The following NRBP2 variants were observed in gnomAD, a reference collection of about 807,000 sequenced individuals.
NRBP2 encodes the protein nuclear receptor binding protein 2.
In NRBP2, 47 loss-of-function variants were observed where a neutral mutation model predicts 74.4. That is an observed-to-expected ratio of 0.63 (90% CI 0.50 to 0.81). NRBP2 has a LOEUF of 0.81. Ranked by LOEUF, NRBP2 falls within the 30% of genes least tolerant of loss-of-function variation. The pLI is 0.00. For synonymous variants in NRBP2, 312 were observed against 273.8 expected (o/e 1.14, Z -1.38); for missense variants, 613 against 690.1 (o/e 0.89, Z 1.25).
rs553471455 is a variant in NRBP2, at chr8:143,838,618, A to C, written c.840+62T>G. 3.3e-5 allele frequency: 41 copies of C among 1,243,658 alleles called. No individual in the cohort carries two copies. The African/African-American group carries it at 4.2e-4, about 13-fold the overall frequency. The allele number at this position is 1,243,658 out of a possible 1,614,324, so 77.0% of individuals were successfully genotyped here. A position where few individuals can be genotyped will look rare whatever the true frequency, so the allele number is the denominator to read the frequency against. On this transcript the variant is annotated intron_variant, in intron 10 of 17. Coordinates refer to ENST00000442628, the MANE Select transcript of NRBP2 (RefSeq NM_178564.4). ...ATGTTCTCCCAGGTCTGCCTGGAGCACCTTGCTAGCCCTAGCTGAGCACGG... is the reference window on the plus strand; with the variant it reads ...ATGTTCTCCCAGGTCTGCCTGGAGCCCCTTGCTAGCCCTAGCTGAGCACGG...
chr8:143,831,348 G>A (rs1818160405), downstream of NRBP2, among the ~76,000 whole-genome samples: 1 of 152,226 alleles, frequency 6.6e-6, no homozygotes, highest in Admixed American at 6.5e-5. Context: ...AGGCACAGTG[G>A]CTCATGCCTG....
rs544826581 is a variant in NRBP2, at chr8:143,840,609, G to C, written c.129+97C>G. The C allele has an allele frequency of 2.2e-4, 262 of 1,199,376 alleles. 1 individual carries two copies. The highest frequency in any genetic ancestry group is 2.6e-4 in the South Asian group (15 of 56,826). The allele number at this position is 1,199,376 out of a possible 1,614,324, so 74.3% of individuals were successfully genotyped here. A position where few individuals can be genotyped will look rare whatever the true frequency, so the allele number is the denominator to read the frequency against. ...AGGGGCCGCGGAGAGGTTTCCAGCC[G>C]CCGCGCTCTCCCAGCGCCCCCACGC... On this transcript the variant is annotated intron_variant, in intron 1 of 17. Coordinates refer to ENST00000442628, the MANE Select transcript of NRBP2 (RefSeq NM_178564.4). This position sits in a 1 kb window ranked among gnomAD's most constrained non-coding sequence, Gnocchi z 5.7.
rs782495984 is a variant in NRBP2, at chr8:143,837,635, T to C, written c.961A>G (p.Ile321Val). The change falls in exon 11 of 18, where the codon ATC (isoleucine) becomes GTC (valine). Residue 321 changes from isoleucine to valine, a missense_variant. Transcript: ENST00000442628. The surrounding 1 kb of genome is among the most constrained non-coding windows in gnomAD (Gnocchi z 4.3). ...SLKLLAAHCF[I>V]QHQYLMPENV... is the part of the protein sequence containing the mutation. ...GCCTGCTGCTCACACTGGTGCTGGA[T>C]GAAGCAGTGGGCTGCCAGGAGCTTC... 1 of 1,600,284 alleles carries C rather than the reference T, an allele frequency of 6.2e-7. No individual in the cohort carries two copies. Among genetic ancestry groups the C allele is most frequent in the East Asian group, 2.2e-5 (1 of 44,458 alleles).
downstream of NRBP2, among the ~76,000 whole-genome samples, chr8:143,831,951 G>T (rs1818178966): frequency 6.6e-6 from 1 of 152,242 alleles, no homozygotes; most frequent in Non-Finnish European, 1.5e-5. Context: ...TTTGTAGCTA[G>T]TCGCACTGTT....
In NRBP2 at chr8:143,840,935, G is replaced by C; in HGVS notation, c.-101C>G. 8.6e-7 allele frequency: 1 copy of C among 1,166,504 alleles called. No homozygotes were observed. The highest frequency in any genetic ancestry group is 1.1e-6 in the Non-Finnish European group (1 of 947,902). 72.3% of individuals were successfully genotyped at this position (1,166,504 alleles called of 1,614,324 possible). The stretch of plus-strand genomic sequence containing the variant: ...GCGCCCAGCAGCCCAGCCTAGAGCC[G>C]CCGCGGCAGCCTAGAGCCCCAGCCC... On this transcript the variant is annotated 5_prime_UTR_variant, in exon 1 of 18. Coordinates refer to ENST00000442628, the MANE Select transcript of NRBP2 (RefSeq NM_178564.4). The surrounding 1 kb of genome is among the most constrained non-coding windows in gnomAD (Gnocchi z 5.7).
intron 8 of NRBP2, 39 bp from the exon 9 acceptor site, chr8:143,838,977 G>C: frequency 6.4e-7 from 1 of 1,568,972 alleles, no homozygotes; most frequent in Middle Eastern, 1.7e-4. Flanking sequence ...GGAGAGAAGC[G>C]CAGGGTAGGC....
At position 143,839,173 on chromosome 8, in the gene NRBP2, A is replaced by G; in HGVS notation, c.603T>C (p.Asn201=). 6.6e-7 allele frequency: 1 copy of G among 1,526,558 alleles called. No individual in the cohort carries two copies. Among genetic ancestry groups the G allele is most frequent in the Non-Finnish European group, 8.8e-7 (1 of 1,140,746 alleles). The allele number at this position is 1,526,558 out of a possible 1,614,324, so 94.6% of individuals were successfully genotyped here. Residue 201 remains asparagine (N), a splice_region_variant and synonymous_variant, in exon 7 of 18, where the codon AAT becomes AAC. Coordinates refer to ENST00000442628, the MANE Select transcript of NRBP2 (RefSeq NM_178564.4). The surrounding 1 kb of genome is among the most constrained non-coding windows in gnomAD (Gnocchi z 5.1). The part of the protein sequence containing the change: ...IGSVWHRIFS[N]ALPDDLRSPI... Reference sequence around the variant, plus strand: ...CGTCCCCCCAAAGTCCGCACTTACCATTGGAGAAGATTCGGTGCCACACTG... The same window carrying G: ...CGTCCCCCCAAAGTCCGCACTTACCGTTGGAGAAGATTCGGTGCCACACTG...
downstream of NRBP2, among the ~76,000 whole-genome samples, chr8:143,830,802 TA>T (rs1818131207): frequency 6.6e-6 from 1 of 152,108 alleles, no homozygotes; most frequent in Non-Finnish European, 1.5e-5. Flanking sequence ...AAATGAAAAC[TA>T]AAATGCCATT....
Position 143,834,343 on chromosome 8 carries a change from A to C in NRBP2, c.*1319T>G, listed in dbSNP as rs180983709. 5 of 152,302 alleles carry C rather than the reference A, an allele frequency of 3.3e-5. No homozygotes were observed. The highest frequency in any genetic ancestry group is 1.2e-4 in the African/African-American group (5 of 41,560). The allele number at this position is 152,302 out of a possible 1,614,324, so 9.4% of individuals were successfully genotyped here. A position where few individuals can be genotyped will look rare whatever the true frequency, so the allele number is the denominator to read the frequency against. ...GCCTCTACAAGCTGGAAGTGGCCTT[A>C]GTTTACAGTCAGCAAGAAAGTGGGG... is the stretch of plus-strand genomic sequence containing the variant. On this transcript the variant is annotated 3_prime_UTR_variant, in exon 18 of 18. Transcript: ENST00000442628.
In NRBP2 at chr8:143,840,792, C is replaced by T. The variant is rs1818659972; in HGVS notation, c.43G>A (p.Glu15Lys). 6.6e-7 allele frequency: 1 copy of T among 1,504,340 alleles called. No individual in the cohort carries two copies. The highest frequency in any genetic ancestry group is 1.4e-5 in the African/African-American group (1 of 69,236). 93.2% of individuals were successfully genotyped at this position (1,504,340 alleles called of 1,614,324 possible). Reference protein sequence around the residue: ...EPAPRRAREREREREDESEDE... With the variant: ...EPAPRRARERKREREDESEDE... The stretch of plus-strand genomic sequence containing the variant: ...TCGCTCTCGTCCTCCCGCTCCCGCT[C>T]CCGTTCCCGGGCCCGCCTCGGCGCC... Residue 15 changes from glutamate to lysine, a missense_variant, in exon 1 of 18, where the codon GAG (glutamate) becomes AAG (lysine). By Grantham distance (56) the Glu-to-Lys change is moderately conservative. Transcript: ENST00000442628. This position sits in a 1 kb window ranked among gnomAD's most constrained non-coding sequence, Gnocchi z 5.7.
Position 143,836,041 on chromosome 8 carries a change from G to A in NRBP2, c.1318-11C>T, listed in dbSNP as rs782715201. 3.5e-5 allele frequency: 54 copies of A among 1,562,402 alleles called. No individual in the cohort carries two copies. The highest frequency in any genetic ancestry group is 3.6e-5 in the Non-Finnish European group (42 of 1,156,628). On this transcript the variant is annotated splice_polypyrimidine_tract_variant and intron_variant, in intron 15 of 17. Coordinates refer to ENST00000442628, the MANE Select transcript of NRBP2 (RefSeq NM_178564.4). ...CAGAAGCAGAGTGAGCTGGGGAGGCGGCGGGGCGTGGTCGGCTGGGGGTTC... is the reference window on the plus strand; with the variant it reads ...CAGAAGCAGAGTGAGCTGGGGAGGCAGCGGGGCGTGGTCGGCTGGGGGTTC...
rs1382949546 is a variant in NRBP2, at chr8:143,834,641, T to C, written c.*1021A>G. 1 of 152,244 alleles carries C rather than the reference T, an allele frequency of 6.6e-6. No homozygotes were observed. Among genetic ancestry groups the C allele is most frequent in the African/African-American group, 2.4e-5 (1 of 41,460 alleles). The allele number at this position is 152,244 out of a possible 1,614,324, so 9.4% of individuals were successfully genotyped here. On this transcript the variant is annotated 3_prime_UTR_variant, in exon 18 of 18. Transcript: ENST00000442628. ...TGAAATGCGTTTAGAAAGGCATGAA[T>C]GCGCTAATGTATACATACAGTTTAA...
intron 8 of NRBP2, 29 bp downstream of exon 8, chr8:143,838,988 A>G (rs1349017469): frequency 3.8e-6 from 6 of 1,560,596 alleles, no homozygotes; most frequent in Non-Finnish European, 4.3e-6. Context: ...CAGGGTAGGC[A>G]CGGGGCACCC....
Position 143,837,463 on chromosome 8 carries a change from G to A in NRBP2, c.1020C>T (p.Asp340=). The part of the protein sequence containing the change: ...NVVEEKTKAM[D]LHAVLAELPR... The stretch of plus-strand genomic sequence containing the variant: ...GAAGCTCCGCCAAGACCGCGTGCAG[G>A]TCCATGGCCTTGGTCTTCTCCTCCA... The change falls in exon 12 of 18, where the codon GAC becomes GAT. Residue 340 remains aspartate (D), a synonymous_variant. Coordinates refer to ENST00000442628, the MANE Select transcript of NRBP2 (RefSeq NM_178564.4). This position sits in a 1 kb window ranked among gnomAD's most constrained non-coding sequence, Gnocchi z 4.3. 6.2e-7 allele frequency: 1 copy of A among 1,610,968 alleles called. No homozygotes were observed. Among genetic ancestry groups the A allele is most frequent in the Non-Finnish European group, 8.5e-7 (1 of 1,179,176 alleles).
In NRBP2 at chr8:143,835,850, C is replaced by T. The variant is rs1361740334; in HGVS notation, c.1407G>A (p.Ser469=). 7.5e-6 allele frequency: 12 copies of T among 1,600,730 alleles called. No individual in the cohort carries two copies. The highest frequency in any genetic ancestry group is 4.5e-5 in the East Asian group (2 of 44,454). Residue 469 remains serine, a synonymous_variant, in exon 17 of 18, where the codon TCG becomes TCA. Coordinates refer to ENST00000442628, the MANE Select transcript of NRBP2 (RefSeq NM_178564.4). This position sits in a 1 kb window ranked among gnomAD's most constrained non-coding sequence, Gnocchi z 4.9. ...LPTDSAQDLA[S]ELVHYGFLHE... ...GGAGGAAGCCATAGTGCACGAGCTC[C>T]GAGGCGAGGTCCTGGGCGCTGTCCG...
chr8:143,835,951 C>T lies in NRBP2; in HGVS notation c.1381+16G>A, dbSNP rs782006439. The T allele has an allele frequency of 1.3e-6, 2 of 1,593,722 alleles. No individual in the cohort carries two copies. The highest frequency in any genetic ancestry group is 1.3e-5 in the African/African-American group (1 of 74,336). ...TGGGGTCACCGCCCGCCGCCCAAGT[C>T]CCCTGCCCAGCCTACTTGGGAGCAG... is the stretch of plus-strand genomic sequence containing the variant. On this transcript the variant is annotated intron_variant, in intron 16 of 17. Transcript: ENST00000442628. This position sits in a 1 kb window ranked among gnomAD's most constrained non-coding sequence, Gnocchi z 4.9.
In NRBP2 at chr8:143,840,379, G is replaced by GC; in HGVS notation, c.130-151dup. 6 of 1,054,762 alleles carry GC rather than the reference G, an allele frequency of 5.7e-6. No homozygotes were observed. The highest frequency in any genetic ancestry group is 8.0e-6 in the Non-Finnish European group (6 of 749,170). The allele number at this position is 1,054,762 out of a possible 1,614,324, so 65.3% of individuals were successfully genotyped here. The stretch of plus-strand genomic sequence containing the variant: ...GGAAGGTGGGGCTTGGAGGGTAGCT[G>GC]CCCCCAGGAGCCAAGGGCTCCTATC... On this transcript the variant is annotated intron_variant, in intron 1 of 17. Transcript: ENST00000442628. The surrounding 1 kb of genome is among the most constrained non-coding windows in gnomAD (Gnocchi z 5.7).
Position 143,837,619 on chromosome 8 carries a change from T to C in NRBP2, c.973+4A>G, listed in dbSNP as rs551895275. ...GCCACCCCCCGGGCCGGCCTGCTGC[T>C]CACACTGGTGCTGGATGAAGCAGTG... is the stretch of plus-strand genomic sequence containing the variant. On this transcript the variant is annotated splice_donor_region_variant and intron_variant, in intron 11 of 17. Transcript: ENST00000442628. This position sits in a 1 kb window ranked among gnomAD's most constrained non-coding sequence, Gnocchi z 4.3. 5.0e-6 allele frequency: 8 copies of C among 1,600,992 alleles called. No individual in the cohort carries two copies. In the South Asian group the frequency reaches 9.0e-5, roughly 18 times the overall value.
In NRBP2 at chr8:143,840,805, C is replaced by T; in HGVS notation, c.30G>A (p.Arg10=). 5 of 1,499,056 alleles carry T rather than the reference C, an allele frequency of 3.3e-6. No individual in the cohort carries two copies. Among genetic ancestry groups the T allele is most frequent in the Non-Finnish European group, 4.4e-6 (5 of 1,129,908 alleles). The allele number at this position is 1,499,056 out of a possible 1,614,324, so 92.9% of individuals were successfully genotyped here. A position where few individuals can be genotyped will look rare whatever the true frequency, so the allele number is the denominator to read the frequency against. The stretch of plus-strand genomic sequence containing the variant: ...CCCGCTCCCGCTCCCGTTCCCGGGC[C>T]CGCCTCGGCGCCGGCTCCGGGGCCG... The part of the protein sequence containing the change: MAAPEPAPR[R]ARERERERED... The change falls in exon 1 of 18, where the codon CGG becomes CGA. Residue 10 remains arginine, a synonymous_variant. Coordinates refer to ENST00000442628, the MANE Select transcript of NRBP2 (RefSeq NM_178564.4). The surrounding 1 kb of genome is among the most constrained non-coding windows in gnomAD (Gnocchi z 5.7).
Sources: allele counts gnomAD v4.1 joint callset (sites outside exome capture counted in the v4.1 genomes callset), GRCh38; gene constraint gnomAD v4.1.1; non-coding constraint Gnocchi (gnomAD v3.1); transcripts MANE v1.5; gene names NCBI Gene and HGNC (gene_info 2026-07-23, HGNC 2026-07-21).